ANKRD45: variants seen among roughly 807,000 people sequenced by gnomAD.
The protein encoded by ANKRD45 is ankyrin repeat domain 45.
ANKRD45 carries 21 observed loss-of-function variants against 28.1 expected under a neutral mutation model. That is an observed-to-expected ratio of 0.75 (90% confidence interval 0.53 to 1.08). The LOEUF is 1.08. Ranked by LOEUF, ANKRD45 falls within the 50% of genes least tolerant of loss-of-function variation. The pLI, the probability that ANKRD45 is intolerant of heterozygous loss-of-function variation, is 0.00. For missense variants in ANKRD45, 261 were observed against 308.7 expected, an observed-to-expected ratio of 0.85 and a Z score of 1.16; for synonymous variants, 86 against 103.9, an observed-to-expected ratio of 0.83 and a Z score of 1.05.
chr1:173,633,579 C>T (rs1266816459), intron 3 of ANKRD45, among the ~76,000 whole-genome samples: 1 of 152,014 alleles, frequency 6.6e-6, no homozygotes, highest in Non-Finnish European at 1.5e-5. Context: ...GAAGGAATCA[C>T]ATTACTTGAC....
intron 2 of ANKRD45, chr1:173,657,918 A>C (rs998093916): frequency 6.6e-6 from 1 of 151,928 alleles, no homozygotes; most frequent in African/African-American, 2.4e-5. Context: ...TATGTATTAT[A>C]CTAGAATTTT....
rs1667075931 is a variant in ANKRD45, at chr1:173,610,074, A to G, written c.*71T>C. On this transcript the variant is annotated 3_prime_UTR_variant, in exon 6 of 6. Coordinates refer to ENST00000333279, the MANE Select transcript of ANKRD45 (RefSeq NM_198493.3). The stretch of plus-strand genomic sequence containing the variant: ...AAAGAAACCCACATCTGTTTTCTCG[A>G]TTTCAAATGGCATGAATAGGTTTGC... The G allele has an allele frequency of 2.1e-6, 3 of 1,454,808 alleles. No homozygotes were observed. Among genetic ancestry groups the G allele is most frequent in the Middle Eastern group, 1.8e-4 (1 of 5,660 alleles). The allele number at this position is 1,454,808 out of a possible 1,614,324, so 90.1% of individuals were successfully genotyped here.
the ANKRD45 span, among the ~76,000 whole-genome samples, chr1:173,709,904 T>C: frequency 2.0e-5 from 3 of 152,152 alleles, no homozygotes; most frequent in African/African-American, 7.2e-5. Context: ...AGAGCTGGGA[T>C]TATAGGCATA....
chr1:173,625,682 T>C (rs1193661819), intron 4 of ANKRD45, among the ~76,000 whole-genome samples: 2 of 152,022 alleles, frequency 1.3e-5, no homozygotes, highest in Non-Finnish European at 2.9e-5. Context: ...TAATATCTTA[T>C]TGAGAAGGAA....
chr1:173,691,887 C>G, the ANKRD45 span, among the ~76,000 whole-genome samples: 1 of 152,212 alleles, frequency 6.6e-6, no homozygotes, highest in African/African-American at 2.4e-5. Context: ...TTATCCTTGA[C>G]GCACATGGCC....
chr1:173,609,927 G>T lies in ANKRD45; in HGVS notation c.*218C>A. ...TTTATACCCAAGTGCTTTCCTGAAGGAGCACGTGAAACTCACATGGGGCTG... is the reference window on the plus strand; with the variant it reads ...TTTATACCCAAGTGCTTTCCTGAAGTAGCACGTGAAACTCACATGGGGCTG... On this transcript the variant is annotated 3_prime_UTR_variant, in exon 6 of 6. Transcript: ENST00000333279. 1.9e-6 allele frequency: 1 copy of T among 534,904 alleles called. No individual in the cohort carries two copies. Among genetic ancestry groups the T allele is most frequent in the Non-Finnish European group, 3.3e-6 (1 of 302,552 alleles). 33.1% of individuals were successfully genotyped at this position (534,904 alleles called of 1,614,324 possible). A position where few individuals can be genotyped will look rare whatever the true frequency, so the allele number is the denominator to read the frequency against.
At chr1:173,620,992 C>G (rs1048291503) in intron 5 of ANKRD45, among the ~76,000 whole-genome samples, 1 of 151,914 alleles carries the variant, frequency 6.6e-6, no homozygotes, top group Non-Finnish European at 1.5e-5. Context: ...CCACTGATTC[C>G]ACATCAAAAC....
intron 3 of ANKRD45, chr1:173,635,495 T>C: frequency 6.8e-7 from 1 of 1,460,096 alleles, no homozygotes; most frequent in Admixed American, 2.5e-5. Flanking sequence ...AAATTTTAGC[T>C]ACTTTTTTTT....
chr1:173,699,628 T>C, the ANKRD45 span, among the ~76,000 whole-genome samples: 1 of 152,220 alleles, frequency 6.6e-6, no homozygotes, highest in Non-Finnish European at 1.5e-5. Context: ...CAACCCTTCA[T>C]GCTAAAAACT....
chr1:173,664,710 C>G (rs1012860558), intron 1 of ANKRD45, among the ~76,000 whole-genome samples: 1 of 152,126 alleles, frequency 6.6e-6, no homozygotes, highest in Non-Finnish European at 1.5e-5. Flanking sequence ...GTTTCAAGTA[C>G]GTAATCTATC....
In ANKRD45 at chr1:173,651,823, T is replaced by C. The variant is rs781581602; in HGVS notation, c.329-4810A>G. 1.8e-3 allele frequency among the ~76,000 whole-genome samples: 279 copies of C among 152,296 alleles called. 1 individual carries two copies. Among genetic ancestry groups the C allele is most frequent in the Middle Eastern group, 6.8e-3 (2 of 294 alleles). Reference sequence around the variant, plus strand: ...AGAGGTCCTTCACATCCCTTGTAAGTTGGATTCCTACGTATTTTATTCTCT... The same window carrying C: ...AGAGGTCCTTCACATCCCTTGTAAGCTGGATTCCTACGTATTTTATTCTCT... On this transcript the variant is annotated intron_variant, in intron 2 of 5. Coordinates refer to ENST00000333279, the MANE Select transcript of ANKRD45 (RefSeq NM_198493.3).
At chr1:173,665,621 C>A (rs976039858) in intron 1 of ANKRD45, among the ~76,000 whole-genome samples, 1 of 152,152 alleles carries the variant, frequency 6.6e-6, no homozygotes, top group African/African-American at 2.4e-5. Context: ...TTCTCAAATT[C>A]TTTGATCTCA....
chr1:173,638,788 T>C (rs1668575100), intron 3 of ANKRD45, among the ~76,000 whole-genome samples: 1 of 152,170 alleles, frequency 6.6e-6, no homozygotes, highest in Non-Finnish European at 1.5e-5. Flanking sequence ...AAAGATGATT[T>C]ACCCTTGACT....
intron 5 of ANKRD45, 51 bp downstream of exon 5, chr1:173,624,736 C>T (rs778207199): frequency 6.4e-7 from 1 of 1,554,714 alleles, no homozygotes; most frequent in South Asian, 1.2e-5. Context: ...CAACATTGAA[C>T]TTAATTTTCA....
the ANKRD45 span, among the ~76,000 whole-genome samples, chr1:173,677,235 A>G: frequency 6.6e-6 from 1 of 152,010 alleles, no homozygotes; most frequent in Non-Finnish European, 1.5e-5. Context: ...CAATTTTCCA[A>G]ACAATAAACC....
At chr1:173,677,013 C>T in the ANKRD45 span, among the ~76,000 whole-genome samples, 1 of 151,466 alleles carries the variant, frequency 6.6e-6, no homozygotes, top group African/African-American at 2.4e-5. Flanking sequence ...CTTTAAGGAA[C>T]CGGGAATATC....
At chr1:173,703,672 A>G in the ANKRD45 span, among the ~76,000 whole-genome samples, 4 of 152,194 alleles carry the variant, frequency 2.6e-5, no homozygotes, top group South Asian at 8.3e-4. Context: ...AGGTTTCCCA[A>G]TGTTCTTGCC....
At chr1:173,674,758 A>G (rs1002567307), upstream of ANKRD45, among the ~76,000 whole-genome samples, 4 of 152,244 alleles carry the variant, frequency 2.6e-5, no homozygotes, top group South Asian at 8.3e-4. Flanking sequence ...GACTTTGAAT[A>G]GAATGGGAGG....
the ANKRD45 span, among the ~76,000 whole-genome samples, chr1:173,691,291 G>A: frequency 1.3e-5 from 2 of 152,104 alleles, no homozygotes; most frequent in African/African-American, 4.8e-5. Context: ...CCTCGCACTG[G>A]GTGGGTCTTG....
Sources: gnomAD v4.1 joint callset for allele counts (sites outside exome capture counted in the v4.1 genomes callset) on GRCh38, gnomAD v4.1.1 for gene constraint, MANE v1.5 for transcripts, NCBI Gene and HGNC (gene_info 2026-07-23, HGNC 2026-07-21) for gene names.